BCL2L13: variants seen among roughly 807,000 people sequenced by gnomAD.
BCL2L13 encodes the protein BCL2 like 13.
Under a neutral mutation model 25.8 loss-of-function variants are expected in BCL2L13, and 13 were observed. That is an observed-to-expected ratio of 0.50 (90% CI 0.33 to 0.80). The LOEUF (loss-of-function observed/expected upper bound fraction) is 0.80. BCL2L13 is among the 30% of genes least tolerant of loss of function. The pLI, the probability that BCL2L13 is intolerant of heterozygous loss-of-function variation, is 0.02. For missense variants in BCL2L13, 504 were observed against 574.9 expected (o/e 0.88, Z 1.26); for synonymous variants, 244 against 230.3 (o/e 1.06, Z -0.54).
rs541856792 is a variant in BCL2L13, at chr22:17,660,341, C to T, written c.121+4509C>T. On this transcript the variant is annotated intron_variant, in intron 2 of 6. Coordinates refer to ENST00000317582, the MANE Select transcript of BCL2L13 (RefSeq NM_015367.4). ...TTTGATAAACTGACTAAAGACAATC[C>T]ATTGTACCAGTTGAGGAACTTATTT... is the stretch of plus-strand genomic sequence containing the variant. 1.7e-4 allele frequency among the ~76,000 whole-genome samples: 25 copies of T among 146,458 alleles called. 1 individual carries two copies. The highest frequency in any genetic ancestry group is 4.8e-4 in the African/African-American group (20 of 41,240).
chr22:17,664,782 A>AC (rs1255444095), intron 2 of BCL2L13, among the ~76,000 whole-genome samples: 2 of 151,964 alleles, frequency 1.3e-5, no homozygotes, highest in Non-Finnish European at 1.5e-5. Context: ...TAGGACTTTC[A>AC]CCCCCTGAAG....
intron 6 of BCL2L13, among the ~76,000 whole-genome samples, chr22:17,715,139 TATATATATATATATATA>T: frequency 3.1e-4 from 1 of 3,198 alleles, no homozygotes; most frequent in East Asian, 6.6e-3. Context: ...TATATATATA[TATATATATATATATATA>T]TATATATATA....
intron 4 of BCL2L13, among the ~76,000 whole-genome samples, chr22:17,691,461 A>G (rs2060101703): frequency 1.3e-5 from 2 of 152,176 alleles, no homozygotes; most frequent in African/African-American, 2.4e-5. Context: ...CCTGGCTAAC[A>G]CAGTGAAACC....
rs150844057 is a variant in BCL2L13 at position 17,650,828 on chromosome 22, C to T, written c.-50-4834C>T. 5.7e-3 allele frequency among the ~76,000 whole-genome samples: 870 copies of T among 151,996 alleles called. 9 individuals are homozygous for T. Among genetic ancestry groups the T allele is most frequent in the African/African-American group, 0.02 (836 of 41,456 alleles). On this transcript the variant is annotated intron_variant, in intron 1 of 6. Transcript: ENST00000317582. Reference sequence around the variant, plus strand: ...GCTCAAGCTATCCTCCCATCTCGGCCTCCCAAGTAACTGGGACTACAGGCA... The same window carrying T: ...GCTCAAGCTATCCTCCCATCTCGGCTTCCCAAGTAACTGGGACTACAGGCA...
chr22:17,667,824 A>G (rs1247637420), intron 2 of BCL2L13, among the ~76,000 whole-genome samples: 3 of 151,530 alleles, frequency 2.0e-5, no homozygotes, highest in African/African-American at 4.9e-5. Context: ...AATTCTTTAT[A>G]TGTTTTGGTC....
At chr22:17,657,205 A>G (rs934788902) in intron 2 of BCL2L13, among the ~76,000 whole-genome samples, 13 of 152,236 alleles carry the variant, frequency 8.5e-5, no homozygotes, top group African/African-American at 2.4e-4. Flanking sequence ...GAGAAATTCT[A>G]AAAAGCAGCC....
At position 17,729,765 on chromosome 22, in the gene BCL2L13, G is replaced by A. The variant is rs713671; in HGVS notation, c.*2231G>A. On this transcript the variant is annotated 3_prime_UTR_variant, in exon 7 of 7. Transcript: ENST00000317582. Reference sequence around the variant, plus strand: ...AGTGATTTGGCCAGTTGTATTTCACGGTAATGGAACTAGATAGTGTTTTCC... The same window carrying A: ...AGTGATTTGGCCAGTTGTATTTCACAGTAATGGAACTAGATAGTGTTTTCC... The A allele has an allele frequency of 0.11, 17,077 of 152,206 alleles. 1,086 individuals carry two copies. Among genetic ancestry groups the A allele is most frequent in the Non-Finnish European group, 0.14 (9,312 of 68,000 alleles). 9.4% of individuals were successfully genotyped at this position (152,206 alleles called of 1,614,324 possible). A position where few individuals can be genotyped will look rare whatever the true frequency, so the allele number is the denominator to read the frequency against.
chr22:17,639,682 G>A (rs1158793060), intron 1 of BCL2L13, among the ~76,000 whole-genome samples: 4 of 152,156 alleles, frequency 2.6e-5, no homozygotes, highest in Non-Finnish European at 5.9e-5. Context: ...ACTAAGCTGA[G>A]AGCCCTCCCT....
intron 1 of BCL2L13, among the ~76,000 whole-genome samples, chr22:17,651,731 C>T (rs1367480804): frequency 6.6e-6 from 1 of 151,222 alleles, no homozygotes; most frequent in Non-Finnish European, 1.5e-5. Flanking sequence ...CACTCTGTCG[C>T]CCAGGCTGGA....
intron 6 of BCL2L13, among the ~76,000 whole-genome samples, chr22:17,708,165 C>A (rs772765214): frequency 6.6e-6 from 1 of 150,982 alleles, no homozygotes; most frequent in East Asian, 2.0e-4. Context: ...TCTCTACTTC[C>A]CTTTTTAATT....
intron 6 of BCL2L13, 42 bp downstream of exon 6, chr22:17,702,428 A>T (rs768127452): frequency 2.0e-6 from 3 of 1,472,522 alleles, no homozygotes; most frequent in South Asian, 2.7e-5. Context: ...TTGAAAAAAA[A>T]TTAGGTTTGT....
intron 5 of BCL2L13, among the ~76,000 whole-genome samples, chr22:17,700,127 G>A (rs1290927187): frequency 6.6e-6 from 1 of 152,002 alleles, no homozygotes; most frequent in Non-Finnish European, 1.5e-5. Context: ...CTGCTCTGTG[G>A]TTACTGCGTT....
intron 2 of BCL2L13, among the ~76,000 whole-genome samples, chr22:17,657,664 A>T (rs189071698): frequency 6.6e-6 from 1 of 151,830 alleles, no homozygotes; most frequent in East Asian, 1.9e-4. Flanking sequence ...GGCACGTGCC[A>T]CCATGCCTGG....
chr22:17,670,497 C>T (rs963636754), intron 2 of BCL2L13, among the ~76,000 whole-genome samples: 1 of 151,892 alleles, frequency 6.6e-6, no homozygotes, highest in Non-Finnish European at 1.5e-5. Context: ...GCCTCAGCCT[C>T]CCAAGTAGCT....
rs549461694 is a variant in BCL2L13, at chr22:17,704,623, A to G, written c.600+2237A>G. 7.2e-5 allele frequency among the ~76,000 whole-genome samples: 11 copies of G among 152,130 alleles called. No individual in the cohort carries two copies. The South Asian group carries it at 2.3e-3, about 32-fold the overall frequency. On this transcript the variant is annotated intron_variant, in intron 6 of 6. Transcript: ENST00000317582. ...AGACCTCATCTCTACTAAAAATACA[A>G]AAATCATCTGGGTGTGGCTGAAGAT... is the stretch of plus-strand genomic sequence containing the variant.
At chr22:17,684,907 T>C (rs1440784988) in intron 3 of BCL2L13, among the ~76,000 whole-genome samples, 3 of 152,102 alleles carry the variant, frequency 2.0e-5, no homozygotes, top group African/African-American at 7.2e-5. Context: ...TAATTTTTTG[T>C]ATTTTTAGTA....
chr22:17,660,130 T>G (rs1382937325), intron 2 of BCL2L13, among the ~76,000 whole-genome samples: 1 of 146,808 alleles, frequency 6.8e-6, no homozygotes, highest in Non-Finnish European at 1.5e-5. Context: ...GTGCTGGGAT[T>G]ACAGGCACGA....
intron 1 of BCL2L13, among the ~76,000 whole-genome samples, chr22:17,647,956 C>T (rs1301047911): frequency 6.6e-6 from 1 of 151,936 alleles, no homozygotes; most frequent in Non-Finnish European, 1.5e-5. Flanking sequence ...GTGAAACCCC[C>T]GTCTCTACTA....
intron 4 of BCL2L13, among the ~76,000 whole-genome samples, chr22:17,693,372 G>GTTTGGTT (rs1284865411): frequency 8.5e-5 from 6 of 70,612 alleles, no homozygotes; most frequent in African/African-American, 2.1e-4. Flanking sequence ...TTTAGTGTTT[G>GTTTGGTT]TTTTTTTTTT....
Sources: gnomAD v4.1 joint callset for allele counts (sites outside exome capture counted in the v4.1 genomes callset) on GRCh38, gnomAD v4.1.1 for gene constraint, MANE v1.5 for transcripts, NCBI Gene and HGNC (gene_info 2026-07-23, HGNC 2026-07-21) for gene names.